The following DOCK9 variants were observed in gnomAD, a reference collection of about 807,000 sequenced individuals.
DOCK9 encodes the protein dedicator of cytokinesis protein 9.
In DOCK9, 89 loss-of-function variants were observed where a neutral mutation model predicts 263.3. The ratio of observed to expected loss-of-function variants is 0.34; its 90% CI spans 0.28 to 0.40. DOCK9 has a LOEUF of 0.40. Among genes scored for constraint, DOCK9 ranks in the 10% least tolerant of loss-of-function variants. DOCK9 has a pLI of 1.00. For synonymous variants in DOCK9, 976 were observed against 973.1 expected (o/e 1.00, Z -0.06); for missense variants, 2,140 against 2,603.4 (o/e 0.82, Z 3.87).
At chr13:98,967,165 C>A (rs563764320) in intron 1 of DOCK9, among the ~76,000 whole-genome samples, 3 of 152,216 alleles carry the variant, frequency 2.0e-5, no homozygotes, top group Non-Finnish European at 4.4e-5. Flanking sequence ...CTTATTTAAC[C>A]TTTTAATCTC....
At chr13:99,008,030 A>T (rs1024274630) in intron 1 of DOCK9, among the ~76,000 whole-genome samples, 3 of 152,032 alleles carry the variant, frequency 2.0e-5, no homozygotes, top group Non-Finnish European at 4.4e-5. Context: ...ATATGCATAG[A>T]TATTTATCAC....
chr13:98,976,958 T>C (rs1401610912), intron 1 of DOCK9, among the ~76,000 whole-genome samples: 2 of 151,984 alleles, frequency 1.3e-5, no homozygotes, highest in African/African-American at 4.8e-5. Flanking sequence ...AATCACTAAA[T>C]AAAATCACTA....
chr13:98,888,072 T>C, intron 18 of DOCK9, 86 bp downstream of exon 18: 1 of 846,428 alleles, frequency 1.2e-6, no homozygotes, highest in Non-Finnish European at 1.9e-6. Context: ...TGCTAAACTG[T>C]TGTAGTTGTA....
intron 45 of DOCK9, 143 bp from the exon 46 acceptor site, chr13:98,810,434 TACA>T (rs2091200889): frequency 2.9e-6 from 3 of 1,044,802 alleles, no homozygotes; most frequent in Admixed American, 2.4e-5. Context: ...CTTCCACACT[TACA>T]ACAACATTCT....
At chr13:99,080,159 T>G (rs1216933057) in intron 1 of DOCK9, among the ~76,000 whole-genome samples, 2 of 152,230 alleles carry the variant, frequency 1.3e-5, no homozygotes, top group South Asian at 4.1e-4. Context: ...TTTATTTCAG[T>G]ATGTTCTGTA....
chr13:98,800,121 C>T (rs1416000561), intron 50 of DOCK9, among the ~76,000 whole-genome samples, 167 bp downstream of exon 50: 1 of 152,136 alleles, frequency 6.6e-6, no homozygotes, highest in Admixed American at 6.5e-5. Context: ...ATGAGGTTTC[C>T]TCCCCCTCTG....
chr13:98,807,857 T>G (rs758984630), intron 47 of DOCK9, 50 bp from the exon 48 acceptor site: 3 of 1,505,818 alleles, frequency 2.0e-6, no homozygotes, highest in Non-Finnish European at 2.7e-6. Flanking sequence ...AGCCCAGGGC[T>G]TACCACCTAG....
At chr13:98,820,674 G>A in intron 45 of DOCK9, 1 of 434,210 alleles carries the variant, frequency 2.3e-6, no homozygotes, top group Non-Finnish European at 4.6e-6. Context: ...CTTAATTACT[G>A]TATTTTGCAA....
At chr13:98,898,402 A>T in intron 13 of DOCK9, 141 bp from the exon 14 acceptor site, 1 of 635,818 alleles carries the variant, frequency 1.6e-6, no homozygotes, top group South Asian at 1.9e-5. Flanking sequence ...ACAGTAATGA[A>T]TATGGCTGGA....
intron 1 of DOCK9, among the ~76,000 whole-genome samples, chr13:99,063,374 A>T (rs1303686175): frequency 6.6e-6 from 1 of 152,218 alleles, no homozygotes; most frequent in East Asian, 1.9e-4. Context: ...GAATACACAC[A>T]TTCCTACCAA....
intron 1 of DOCK9, among the ~76,000 whole-genome samples, chr13:99,016,508 G>T (rs1332897967): frequency 6.6e-6 from 1 of 152,202 alleles, no homozygotes; most frequent in Non-Finnish European, 1.5e-5. Context: ...CAGCACTCCA[G>T]TATGCAATGG....
At chr13:99,052,763 C>G (rs1293231936) in intron 1 of DOCK9, among the ~76,000 whole-genome samples, 1 of 151,316 alleles carries the variant, frequency 6.6e-6, no homozygotes, top group African/African-American at 2.4e-5. Context: ...ACCACACCAG[C>G]CTTCTTTTTT....
At chr13:98,831,247 CTTTATGACAAGGTAAATTGGTTAAT>C (rs2140951084) in intron 41 of DOCK9, 76 bp downstream of exon 41, 1 of 1,320,020 alleles carries the variant, frequency 7.6e-7, no homozygotes, top group East Asian at 2.5e-5. Flanking sequence ...CTTGCAGTAT[CTTTATGACAAGGTAAATTGGTTAAT>C]GTGATACTCA....
intron 52 of DOCK9, chr13:98,796,296 A>G (rs1175703898): frequency 9.0e-7 from 1 of 1,110,026 alleles, no homozygotes; most frequent in East Asian, 2.6e-5. Flanking sequence ...ATGAAAATGT[A>G]CTAACTAAAC....
At chr13:98,954,056 T>C (rs1257211518) in intron 2 of DOCK9, among the ~76,000 whole-genome samples, 2 of 151,920 alleles carry the variant, frequency 1.3e-5, no homozygotes, top group African/African-American at 2.4e-5. Context: ...TAACAATTTC[T>C]ATTAACATGG....
At chr13:99,060,369 G>A (rs1056914827) in intron 1 of DOCK9, among the ~76,000 whole-genome samples, 7 of 152,050 alleles carry the variant, frequency 4.6e-5, no homozygotes, top group East Asian at 1.9e-4. Flanking sequence ...GAGCCACTGC[G>A]CCTGGCCCGA....
chr13:98,797,420 T>G lies in DOCK9; in HGVS notation c.5986A>C (p.Asn1996His). 1 of 1,613,732 alleles carries G rather than the reference T, an allele frequency of 6.2e-7. No individual in the cohort carries two copies. The highest frequency in any genetic ancestry group is 8.5e-7 in the Non-Finnish European group (1 of 1,179,774). ...DDTNTKRYPD[N>H]KVKLLKEVFR... The stretch of plus-strand genomic sequence containing the variant: ...ACTTCCTTAAGCAGCTTCACTTTAT[T>G]GTCAGGATATCGCTTTGTGTTTGTA... The change falls in exon 51 of 53, where the codon AAT becomes CAT. Residue 1996 changes from asparagine (N) to histidine (H), a missense_variant. Around this residue, in one of 2 missense-constraint regions of DOCK9, gnomAD observed 619 missense variants for 861.8 expected, o/e 0.72. Coordinates refer to ENST00000682017, the MANE Select transcript of DOCK9 (RefSeq NM_001366683.2).
At chr13:98,820,590 C>T (rs549070180) in intron 45 of DOCK9, 10 of 300,266 alleles carry the variant, frequency 3.3e-5, no homozygotes, top group South Asian at 2.5e-4. Context: ...GGAACACATC[C>T]ATCCCAGGTA....
rs1014744398 is a variant in DOCK9, at chr13:98,800,345, C to T, written c.5859G>A (p.Ser1953=). The T allele has an allele frequency of 1.3e-5, 21 of 1,612,664 alleles. No individual in the cohort carries two copies. Among genetic ancestry groups the T allele is most frequent in the African/African-American group, 1.2e-4 (9 of 74,886 alleles). ...GCAGTTTGATCATGTCCACCTCGGC[C>T]GAGGAGCACAGCTGCCGGAGCTCCG... The part of the protein sequence containing the change: ...KVAELRQLCS[S]AEVDMIKLQL... Residue 1953 remains serine (S), a synonymous_variant, in exon 50 of 53, where the codon TCG becomes TCA. Coordinates refer to ENST00000682017, the MANE Select transcript of DOCK9 (RefSeq NM_001366683.2).
Sources: gnomAD v4.1 joint callset for allele counts (sites outside exome capture counted in the v4.1 genomes callset) on GRCh38, gnomAD v4.1.1 for gene constraint, gnomAD v4.1.1 regional missense constraint, MANE v1.5 for transcripts, NCBI Gene and HGNC (gene_info 2026-07-23, HGNC 2026-07-21) for gene names.